Variants in NHS observed in about 807,000 individuals in gnomAD.
The protein encoded by NHS is actin remodeling regulator NHS.
A neutral mutation model predicts 72.5 loss-of-function variants in NHS; 5 were observed. The ratio of observed to expected loss-of-function variants is 0.07; its 90% CI spans 0.04 to 0.14. The LOEUF (loss-of-function observed/expected upper bound fraction) is 0.14. Ranked by LOEUF, NHS falls within the 10% of genes least tolerant of loss-of-function variation. NHS has a pLI of 1.00. For synonymous variants in NHS, 464 were observed against 547.7 expected, an observed-to-expected ratio of 0.85 and a Z score of 2.13; for missense variants, 1,072 against 1,355.7, an observed-to-expected ratio of 0.79 and a Z score of 3.29.
chrX:17,542,362 C>T, intron 1 of NHS, among the ~76,000 whole-genome samples: 1 of 113,534 alleles, frequency 8.8e-6, no homozygotes, highest in Middle Eastern at 4.6e-3. Context: ...CTTGGCATCA[C>T]TGCCTGGCAC....
In NHS at chrX:17,735,307, G is replaced by GGCTGTCTTTAACATCACT. The variant is rs1184430718; in HGVS notation, c.*2846_*2863dup. 1 of 112,776 alleles carries GGCTGTCTTTAACATCACT rather than the reference G, an allele frequency of 8.9e-6. No homozygotes were observed. The highest frequency in any genetic ancestry group is 3.2e-5 in the African/African-American group (1 of 30,941). 9.3% of individuals were successfully genotyped at this position (112,776 alleles called of 1,213,427 possible). A position where few individuals can be genotyped will look rare whatever the true frequency, so the allele number is the denominator to read the frequency against. ...CATAGCAAACAAGACCAAGATTTAGGGCTGTCTTTAACATCACTGCCGTCT... is the reference window on the plus strand; with the variant it reads ...CATAGCAAACAAGACCAAGATTTAGGGCTGTCTTTAACATCACTGCTGTCTTTAACATCACTGCCGTCT... On this transcript the variant is annotated 3_prime_UTR_variant, in exon 9 of 9. Coordinates refer to ENST00000676302, the MANE Select transcript of NHS (RefSeq NM_001291867.2).
intron 1 of NHS, among the ~76,000 whole-genome samples, chrX:17,560,787 A>C (rs992823381): frequency 2.1e-4 from 24 of 112,326 alleles, no homozygotes; most frequent in African/African-American, 7.8e-4. Flanking sequence ...TCAGGTGATC[A>C]CATTCTTTAG....
intron 1 of NHS, among the ~76,000 whole-genome samples, chrX:17,665,503 A>AT (rs1351831778): frequency 3.7e-5 from 4 of 106,696 alleles, no homozygotes; most frequent in Admixed American, 3.0e-4. Flanking sequence ...AATTTTTTGT[A>AT]TTTTTAGCAG....
At chrX:17,608,477 G>C (rs1476265397) in intron 1 of NHS, among the ~76,000 whole-genome samples, 1 of 111,683 alleles carries the variant, frequency 9.0e-6, no homozygotes, top group Non-Finnish European at 1.9e-5. Context: ...GGAGGTAAGA[G>C]AAAGGGCAGG....
intron 1 of NHS, among the ~76,000 whole-genome samples, chrX:17,529,727 G>T (rs1437935624): frequency 5.4e-5 from 6 of 111,665 alleles, no homozygotes; most frequent in Admixed American, 1.9e-4. Flanking sequence ...TTAAAGAAAA[G>T]AGAAAAAAAT....
chrX:17,627,752 C>T (rs2065804919), intron 1 of NHS, among the ~76,000 whole-genome samples: 1 of 111,915 alleles, frequency 8.9e-6, no homozygotes, highest in Non-Finnish European at 1.9e-5. Flanking sequence ...TTACTAGGAT[C>T]CTCATGCAAT....
At chrX:17,602,494 C>G in intron 1 of NHS, among the ~76,000 whole-genome samples, 1 of 111,414 alleles carries the variant, frequency 9.0e-6, no homozygotes, top group Middle Eastern at 4.6e-3. Flanking sequence ...CCACTATACT[C>G]TAAGAAAGGA....
intron 1 of NHS, among the ~76,000 whole-genome samples, chrX:17,486,199 C>G (rs1187355073): frequency 9.0e-6 from 1 of 111,721 alleles, no homozygotes; most frequent in Admixed American, 9.5e-5. Context: ...GACAACAATT[C>G]CTCCTGTTGT....
intron 1 of NHS, among the ~76,000 whole-genome samples, chrX:17,380,407 A>G (rs1228310418): frequency 9.5e-6 from 1 of 105,810 alleles, no homozygotes; most frequent in Non-Finnish European, 1.9e-5. Flanking sequence ...TCTATCACCC[A>G]GACTGGGTAC....
At chrX:17,574,432 T>G (rs2065498805) in intron 1 of NHS, among the ~76,000 whole-genome samples, 1 of 112,010 alleles carries the variant, frequency 8.9e-6, no homozygotes, top group Admixed American at 9.4e-5. Flanking sequence ...CCCACCAAGC[T>G]CCAGTGTCCC....
At position 17,375,537 on chromosome X, in the gene NHS, C is replaced by G; in HGVS notation, c.-221C>G. 1 of 421,740 alleles carries G rather than the reference C, an allele frequency of 2.4e-6. No individual in the cohort carries two copies. Among genetic ancestry groups the G allele is most frequent in the Non-Finnish European group, 4.1e-6 (1 of 243,575 alleles). 34.8% of individuals were successfully genotyped at this position (421,740 alleles called of 1,213,427 possible). On this transcript the variant is annotated 5_prime_UTR_variant, in exon 1 of 9. Transcript: ENST00000676302. Reference sequence around the variant, plus strand: ...TGTGCGGAGCGCTTGTCATCCTCCCCAGGGAACGGTGCACCCAAAGGAGGA... The same window carrying G: ...TGTGCGGAGCGCTTGTCATCCTCCCGAGGGAACGGTGCACCCAAAGGAGGA...
At chrX:17,480,946 G>A (rs977537259) in intron 1 of NHS, among the ~76,000 whole-genome samples, 1 of 111,549 alleles carries the variant, frequency 9.0e-6, no homozygotes, top group South Asian at 3.8e-4. Flanking sequence ...GACTTCCTTA[G>A]TACACGGCTT....
intron 1 of NHS, among the ~76,000 whole-genome samples, chrX:17,655,660 T>C (rs1490860161): frequency 8.9e-6 from 1 of 112,822 alleles, no homozygotes; most frequent in East Asian, 2.8e-4. Context: ...GCTGCCGCAG[T>C]CCTCTCCATT....
At chrX:17,407,560 A>AT (rs200348660) in intron 1 of NHS, among the ~76,000 whole-genome samples, 1 of 111,050 alleles carries the variant, frequency 9.0e-6, no homozygotes, top group Non-Finnish European at 1.9e-5. Context: ...AGGAGTGTTG[A>AT]TTTTTTTTGG....
intron 1 of NHS, among the ~76,000 whole-genome samples, chrX:17,668,825 CCT>C (rs1244168523): frequency 1.8e-5 from 2 of 111,248 alleles, no homozygotes; most frequent in African/African-American, 6.5e-5. Flanking sequence ...GGTAGCTGTG[CCT>C]CAGTCCTGCT....
chrX:17,696,910 T>C (rs919236253), intron 3 of NHS, among the ~76,000 whole-genome samples: 18 of 111,572 alleles, frequency 1.6e-4, no homozygotes, highest in Non-Finnish European at 2.8e-4. Context: ...TCTCAGCATA[T>C]TTCCTCCTGT....
At chrX:17,486,641 T>C (rs2064968613) in intron 1 of NHS, among the ~76,000 whole-genome samples, 4 of 111,688 alleles carry the variant, frequency 3.6e-5, no homozygotes, top group Admixed American at 9.5e-5. Flanking sequence ...CAGCATCCCA[T>C]CAGACAGAGC....
intron 1 of NHS, among the ~76,000 whole-genome samples, chrX:17,452,458 C>T: frequency 9.1e-6 from 1 of 110,136 alleles, no homozygotes; most frequent in South Asian, 4.0e-4. Flanking sequence ...CAGTGCAGTA[C>T]TCCACCATTC....
At chrX:17,419,900 C>G (rs2064615079) in intron 1 of NHS, among the ~76,000 whole-genome samples, 2 of 111,788 alleles carry the variant, frequency 1.8e-5, no homozygotes, top group African/African-American at 6.5e-5. Context: ...CCTAATATTT[C>G]TAGATATTGG....
Sources: allele counts gnomAD v4.1 joint callset (sites outside exome capture counted in the v4.1 genomes callset), GRCh38; gene constraint gnomAD v4.1.1; transcripts MANE v1.5; gene names NCBI Gene and HGNC (gene_info 2026-07-23, HGNC 2026-07-21).